Variants in BTRC observed in about 807,000 individuals in gnomAD.
BTRC encodes beta-transducin repeat containing E3 ubiquitin protein ligase, also known as F-box/WD repeat-containing protein 1A.
Under a neutral mutation model 85.5 loss-of-function variants are expected in BTRC, and 42 were observed. The observed-to-expected ratio is 0.49, with a 90% CI of 0.38 to 0.64. The LOEUF (loss-of-function observed/expected upper bound fraction) is 0.64. Ranked by LOEUF, BTRC falls within the 30% of genes least tolerant of loss-of-function variation. The pLI is 0.00. For synonymous variants in BTRC, 255 were observed against 263.3 expected (o/e 0.97, Z 0.30); for missense variants, 594 against 743.5 (o/e 0.80, Z 2.34).
intron 3 of BTRC, among the ~76,000 whole-genome samples, chr10:101,476,581 C>T (rs1945693351): frequency 6.6e-6 from 1 of 151,720 alleles, no homozygotes; most frequent in Admixed American, 6.6e-5. Flanking sequence ...AGTCAGTCCT[C>T]CTGAGTAGCC....
intron 11 of BTRC, among the ~76,000 whole-genome samples, chr10:101,535,716 T>C (rs1279919364): frequency 6.6e-6 from 1 of 152,236 alleles, no homozygotes; most frequent in Non-Finnish European, 1.5e-5. Flanking sequence ...GCTAACAGCC[T>C]TTTCTTTGCC....
chr10:101,547,821 T>C (rs2062582999), intron 13 of BTRC, among the ~76,000 whole-genome samples: 1 of 152,166 alleles, frequency 6.6e-6, no homozygotes, highest in Non-Finnish European at 1.5e-5. Context: ...CAAGTGAGAT[T>C]TATGCCAGGT....
chr10:101,401,280 C>T (rs1334609145), intron 1 of BTRC, among the ~76,000 whole-genome samples: 2 of 152,120 alleles, frequency 1.3e-5, no homozygotes, highest in Non-Finnish European at 2.9e-5. Context: ...CGTGAATGAG[C>T]ATTCAAAAAT....
intron 3 of BTRC, among the ~76,000 whole-genome samples, chr10:101,477,451 A>G (rs776755244): frequency 6.6e-6 from 1 of 152,214 alleles, no homozygotes; most frequent in Non-Finnish European, 1.5e-5. Flanking sequence ...TTTGCTTTTC[A>G]TAAAGTATAA....
chr10:101,443,621 T>C (rs1354277560), intron 2 of BTRC, among the ~76,000 whole-genome samples: 1 of 152,234 alleles, frequency 6.6e-6, no homozygotes, highest in East Asian at 1.9e-4. Context: ...TAATTTCTTC[T>C]ATGTAATCTT....
rs375980263 is a variant in BTRC at position 101,366,766 on chromosome 10, T to TTATATATATATATATATA, written c.48+12544_48+12561dup. On this transcript the variant is annotated intron_variant, in intron 1 of 14. Transcript: ENST00000370187. ...CCCAGGGAGTTTGGACTTAATCTAG[T>TTATATATATATATATATA]TATATATATATATATATATATATTT... Among the ~76,000 whole-genome samples the TTATATATATATATATATA allele has an allele frequency of 5.9e-5, 3 of 50,924 alleles. No individual in the cohort carries two copies. The East Asian group carries it at 1.5e-3, about 25-fold the overall frequency. 33.4% of individuals were successfully genotyped at this position (50,924 alleles called of 152,430 possible).
chr10:101,501,119 C>T (rs1007552444), intron 4 of BTRC, among the ~76,000 whole-genome samples: 1 of 150,534 alleles, frequency 6.6e-6, no homozygotes, highest in African/African-American at 2.4e-5. Context: ...CCTGAACCTG[C>T]GGGGCAGAGG....
intron 1 of BTRC, among the ~76,000 whole-genome samples, chr10:101,362,721 T>C (rs1392079030): frequency 2.6e-5 from 4 of 152,148 alleles, no homozygotes; most frequent in African/African-American, 9.7e-5. Flanking sequence ...GTTTTGTTAA[T>C]ACAGTCAGCC....
At chr10:101,475,047 G>A (rs1945640676) in intron 3 of BTRC, among the ~76,000 whole-genome samples, 1 of 152,086 alleles carries the variant, frequency 6.6e-6, no homozygotes, top group Non-Finnish European at 1.5e-5. Context: ...ATGTTTGTGT[G>A]TGTATGAATA....
At chr10:101,445,411 G>A (rs1944796141) in intron 2 of BTRC, among the ~76,000 whole-genome samples, 1 of 152,150 alleles carries the variant, frequency 6.6e-6, no homozygotes, top group African/African-American at 2.4e-5. Flanking sequence ...CAACTGCTGA[G>A]CATGCTAGCT....
At chr10:101,411,045 A>G (rs1943764534) in intron 1 of BTRC, among the ~76,000 whole-genome samples, 1 of 149,050 alleles carries the variant, frequency 6.7e-6, no homozygotes. Context: ...GCCCAGGCTA[A>G]AGTGCACTGG....
intron 12 of BTRC, 78 bp from the exon 13 acceptor site, chr10:101,538,215 A>G (rs898279907): frequency 1.7e-6 from 2 of 1,197,648 alleles, no homozygotes; most frequent in African/African-American, 3.0e-5. Context: ...ATTTATTGCC[A>G]TGAATTTCTG....
At chr10:101,536,722 T>A in intron 12 of BTRC, 69 bp downstream of exon 12, 1 of 1,145,766 alleles carries the variant, frequency 8.7e-7, no homozygotes, top group Non-Finnish European at 1.3e-6. Flanking sequence ...TTTATGGTGT[T>A]AAACATAACC....
At chr10:101,506,003 C>G (rs1224097886) in intron 4 of BTRC, among the ~76,000 whole-genome samples, 3 of 152,050 alleles carry the variant, frequency 2.0e-5, no homozygotes, top group Non-Finnish European at 4.4e-5. Context: ...CAACCTCCGC[C>G]TCCAGGATTC....
In BTRC at chr10:101,366,781, T is replaced by TTA. The variant is rs1942391412; in HGVS notation, c.48+12553_48+12554insTA. Among the ~76,000 whole-genome samples, 6 of 104,168 alleles carry TTA rather than the reference T, an allele frequency of 5.8e-5. 1 individual carries two copies. In the Admixed American group the frequency reaches 6.4e-4, roughly 11 times the overall value. 68.3% of individuals were successfully genotyped at this position (104,168 alleles called of 152,430 possible). The stretch of plus-strand genomic sequence containing the variant: ...CTTAATCTAGTTATATATATATATA[T>TTA]ATATATATTTTTACATTTATATATA... On this transcript the variant is annotated intron_variant, in intron 1 of 14. Coordinates refer to ENST00000370187, the MANE Select transcript of BTRC (RefSeq NM_033637.4).
At chr10:101,504,296 T>C (rs146894866) in intron 4 of BTRC, among the ~76,000 whole-genome samples, 7 of 152,336 alleles carry the variant, frequency 4.6e-5, no homozygotes, top group Admixed American at 1.3e-4. Context: ...TGATGTTTAT[T>C]GTGTGGGAGA....
At chr10:101,482,259 G>T (rs1031405560) in intron 4 of BTRC, among the ~76,000 whole-genome samples, 6 of 152,106 alleles carry the variant, frequency 3.9e-5, no homozygotes, top group Admixed American at 1.3e-4. Context: ...GACCTCAGGT[G>T]ATCTCTCTGC....
intron 1 of BTRC, among the ~76,000 whole-genome samples, chr10:101,365,452 T>C (rs1047868014): frequency 2.0e-4 from 30 of 151,734 alleles, no homozygotes; most frequent in African/African-American, 7.0e-4. Flanking sequence ...TTTAATTCTT[T>C]TTCTTTTTAA....
At chr10:101,430,259 T>C (rs1385511957) in intron 1 of BTRC, 86 bp from the exon 2 acceptor site, 1 of 774,664 alleles carries the variant, frequency 1.3e-6, no homozygotes, top group East Asian at 2.8e-5. Context: ...ACTGGAATAT[T>C]GCGTTCAGCC....
Sources: allele counts gnomAD v4.1 joint callset (sites outside exome capture counted in the v4.1 genomes callset), GRCh38; gene constraint gnomAD v4.1.1; transcripts MANE v1.5; gene names NCBI Gene and HGNC (gene_info 2026-07-23, HGNC 2026-07-21).